The following PLG variants were observed in gnomAD, a reference collection of about 807,000 sequenced individuals.
PLG encodes the protein plasminogen, also known as plasmin.
A neutral mutation model predicts 104.4 loss-of-function variants in PLG; 41 were observed. That is an observed-to-expected ratio of 0.39 (90% CI 0.31 to 0.51). The LOEUF is 0.51. Ranked by LOEUF, PLG falls within the 20% of genes least tolerant of loss-of-function variation. The pLI, the probability that PLG is intolerant of heterozygous loss-of-function variation, is 0.76. For synonymous variants in PLG, 337 were observed against 357.1 expected (o/e 0.94, Z 0.63); for missense variants, 891 against 1,003.6 (o/e 0.89, Z 1.52).
rs1777853534 is a variant in PLG at position 160,722,581 on chromosome 6, T to A, written c.1256+14T>A. On this transcript the variant is annotated intron_variant, in intron 10 of 18. Transcript: ENST00000308192. ...CTACCCAAATGCGTATGTCTTTGATTTTTACTGTAAGAGGGGCATCAGCCA... is the reference window on the plus strand; with the variant it reads ...CTACCCAAATGCGTATGTCTTTGATATTTACTGTAAGAGGGGCATCAGCCA... 6.2e-7 allele frequency: 1 copy of A among 1,611,640 alleles called. No individual in the cohort carries two copies. Among genetic ancestry groups the A allele is most frequent in the Admixed American group, 1.7e-5 (1 of 60,000 alleles).
intron 1 of PLG, among the ~76,000 whole-genome samples, chr6:160,704,977 C>T (rs935329414): frequency 5.3e-5 from 8 of 152,152 alleles, no homozygotes; most frequent in East Asian, 1.9e-4. Flanking sequence ...CTCCCCTGAC[C>T]GCATGTTCCC....
intron 3 of PLG, among the ~76,000 whole-genome samples, chr6:160,710,155 G>A (rs536947651): frequency 6.6e-6 from 1 of 152,150 alleles, no homozygotes; most frequent in South Asian, 2.1e-4. Context: ...TCCTCCTCAA[G>A]CTTTATAGTC....
intron 10 of PLG, among the ~76,000 whole-genome samples, chr6:160,729,028 G>A (rs188435177): frequency 4.6e-5 from 7 of 152,154 alleles, no homozygotes; most frequent in Non-Finnish European, 1.0e-4. Flanking sequence ...TTTGTATCTA[G>A]AGTATAAACG....
intron 7 of PLG, among the ~76,000 whole-genome samples, chr6:160,717,212 T>C (rs1777747881): frequency 6.9e-6 from 1 of 144,750 alleles, no homozygotes; most frequent in East Asian, 2.0e-4. Context: ...GGGTGAGTGG[T>C]GGGGGTGGGG....
chr6:160,741,010 T>A lies in PLG; in HGVS notation c.2019-301T>A, dbSNP rs528895571. Among the ~76,000 whole-genome samples, 1 of 152,342 alleles carries A rather than the reference T, an allele frequency of 6.6e-6. No individual in the cohort carries two copies. The highest frequency in any genetic ancestry group is 1.9e-4 in the East Asian group (1 of 5,184). ...GGACACACTCAGCATGAGATTCCAG[T>A]TGTGCACAGAATATACATGAGAAGT... On this transcript the variant is annotated intron_variant, in intron 16 of 18. Transcript: ENST00000308192. This position sits in a 1 kb window ranked among gnomAD's most constrained non-coding sequence, Gnocchi z 4.7.
chr6:160,731,669 T>G lies in PLG; in HGVS notation c.1439-76T>G, dbSNP rs1778001420. 1.4e-6 allele frequency: 2 copies of G among 1,425,238 alleles called. No homozygotes were observed. Among genetic ancestry groups the G allele is most frequent in the Admixed American group, 1.7e-5 (1 of 59,762 alleles). The allele number at this position is 1,425,238 out of a possible 1,614,324, so 88.3% of individuals were successfully genotyped here. A position where few individuals can be genotyped will look rare whatever the true frequency, so the allele number is the denominator to read the frequency against. ...CTGATTCTGTCATCCTAGAGAAACC[T>G]GACATGACTGTATTGATTCCATATC... is the stretch of plus-strand genomic sequence containing the variant. On this transcript the variant is annotated intron_variant, in intron 11 of 18. Coordinates refer to ENST00000308192, the MANE Select transcript of PLG (RefSeq NM_000301.5). The surrounding 1 kb of genome is among the most constrained non-coding windows in gnomAD (Gnocchi z 5.1).
chr6:160,747,974 C>A (rs1582952471), intron 17 of PLG, among the ~76,000 whole-genome samples: 1 of 152,140 alleles, frequency 6.6e-6, no homozygotes, highest in Non-Finnish European at 1.5e-5. Context: ...GAATTAGAAC[C>A]CTGGCTCCCA....
chr6:160,729,839 C>T (rs2115172439), intron 10 of PLG, among the ~76,000 whole-genome samples: 1 of 152,322 alleles, frequency 6.6e-6, no homozygotes, highest in African/African-American at 2.4e-5. Context: ...ATCATCAAAA[C>T]TCACCAAACA....
chr6:160,719,723 C>T lies in PLG; in HGVS notation c.1096+885C>T, dbSNP rs1777799062. On this transcript the variant is annotated intron_variant, in intron 9 of 18. Coordinates refer to ENST00000308192, the MANE Select transcript of PLG (RefSeq NM_000301.5). The surrounding 1 kb of genome is among the most constrained non-coding windows in gnomAD (Gnocchi z 4.1). ...ACATTTTTGACTTTTCACATTCCAC[C>T]TTCAAATGATATCATTCTACTTGAC... is the stretch of plus-strand genomic sequence containing the variant. 6.6e-6 allele frequency among the ~76,000 whole-genome samples: 1 copy of T among 152,058 alleles called. No individual in the cohort carries two copies. The highest frequency in any genetic ancestry group is 1.5e-5 in the Non-Finnish European group (1 of 68,010).
chr6:160,739,363 T>C lies in PLG; in HGVS notation c.2018+155T>C, dbSNP rs191600821. Among the ~76,000 whole-genome samples, 2 of 152,192 alleles carry C rather than the reference T, an allele frequency of 1.3e-5. No homozygotes were observed. The highest frequency in any genetic ancestry group is 3.9e-4 in the East Asian group (2 of 5,168). On this transcript the variant is annotated intron_variant, in intron 16 of 18. Coordinates refer to ENST00000308192, the MANE Select transcript of PLG (RefSeq NM_000301.5). The surrounding 1 kb of genome is among the most constrained non-coding windows in gnomAD (Gnocchi z 4.4). ...TGGGGACAGCATCAATCTTCAACCC[T>C]AGCCCTGCCACATGCTAGCTGTGCT...
Position 160,731,197 on chromosome 6 carries a change from T to C in PLG, c.1403T>C (p.Val468Ala), listed in dbSNP as rs755731990. The change falls in exon 11 of 19, where the codon GTC becomes GCC. Residue 468 changes from valine to alanine, a missense_variant. Val to Ala is a moderately conservative substitution (Grantham distance 64). This residue lies in a region of PLG where 854 missense variants were observed against 932.1 expected (regional missense o/e 0.92). Transcript: ENST00000308192. The surrounding 1 kb of genome is among the most constrained non-coding windows in gnomAD (Gnocchi z 5.1). ...EASVVAPPPV[V>A]LLPDVETPSE... is the part of the protein sequence containing the mutation. Reference sequence around the variant, plus strand: ...AGTGTTGTAGCACCTCCGCCTGTTGTCCTGCTTCCAGATGTAGAGACTCCT... The same window carrying C: ...AGTGTTGTAGCACCTCCGCCTGTTGCCCTGCTTCCAGATGTAGAGACTCCT... 6.2e-7 allele frequency: 1 copy of C among 1,614,174 alleles called. No homozygotes were observed. Among genetic ancestry groups the C allele is most frequent in the South Asian group, 1.1e-5 (1 of 91,090 alleles).
chr6:160,741,255 G>C lies in PLG; in HGVS notation c.2019-56G>C, dbSNP rs1778188812. 1 of 1,193,600 alleles carries C rather than the reference G, an allele frequency of 8.4e-7. No individual in the cohort carries two copies. The highest frequency in any genetic ancestry group is 1.3e-6 in the Non-Finnish European group (1 of 797,138). 73.9% of individuals were successfully genotyped at this position (1,193,600 alleles called of 1,614,324 possible). The stretch of plus-strand genomic sequence containing the variant: ...CTCAAGACAGGGATGACTGGTTGTG[G>C]GTACTGCAGCTGCGAGCAGAGCAGT... On this transcript the variant is annotated intron_variant, in intron 16 of 18. Transcript: ENST00000308192. The surrounding 1 kb of genome is among the most constrained non-coding windows in gnomAD (Gnocchi z 4.7).
intron 3 of PLG, chr6:160,708,157 G>C (rs1777566561): frequency 8.5e-6 from 2 of 234,618 alleles, no homozygotes; most frequent in Non-Finnish European, 1.7e-5. Flanking sequence ...TTATTCTGCA[G>C]GGTGACCATG....
chr6:160,733,865 AAAAG>A, intron 12 of PLG, 126 bp from the exon 13 acceptor site: 3 of 507,714 alleles, frequency 5.9e-6, no homozygotes, highest in African/African-American at 2.1e-5. Flanking sequence ...AAAAAAAAAA[AAAAG>A]AAGGAAGGAA....
Position 160,737,031 on chromosome 6 carries a change from T to G in PLG, c.1802+24T>G. ...AGGTAAGAACAGGCCCAGAAACGAT[T>G]TATACTGTCCCTCCACGTAAGCCCT... On this transcript the variant is annotated intron_variant, in intron 14 of 18. Transcript: ENST00000308192. This position sits in a 1 kb window ranked among gnomAD's most constrained non-coding sequence, Gnocchi z 4.7. The G allele has an allele frequency of 1.2e-6, 2 of 1,611,494 alleles. No individual in the cohort carries two copies. The highest frequency in any genetic ancestry group is 1.7e-6 in the Non-Finnish European group (2 of 1,179,396).
chr6:160,746,695 G>T (rs746539659), intron 17 of PLG, among the ~76,000 whole-genome samples: 24 of 152,162 alleles, frequency 1.6e-4, no homozygotes, highest in Non-Finnish European at 2.8e-4. Context: ...TTGTTTGGAG[G>T]ACATATGGCA....
At chr6:160,717,694 G>C (rs889075644) in intron 7 of PLG, among the ~76,000 whole-genome samples, 1 of 152,142 alleles carries the variant, frequency 6.6e-6, no homozygotes, top group Non-Finnish European at 1.5e-5. Context: ...GGGGTGTGAG[G>C]TGACACGTGT....
At position 160,740,035 on chromosome 6, in the gene PLG, A is replaced by G. The variant is rs1778162031; in HGVS notation, c.2018+827A>G. Among the ~76,000 whole-genome samples, 1 of 152,180 alleles carries G rather than the reference A, an allele frequency of 6.6e-6. No individual in the cohort carries two copies. The highest frequency in any genetic ancestry group is 1.5e-5 in the Non-Finnish European group (1 of 68,024). ...AGGAGAAGCAGGTTTGGGACAGGTG[A>G]CAAGGCACGCAGGGCGCTCGCTGTG... On this transcript the variant is annotated intron_variant, in intron 16 of 18. Transcript: ENST00000308192. This position sits in a 1 kb window ranked among gnomAD's most constrained non-coding sequence, Gnocchi z 5.2.
intron 17 of PLG, among the ~76,000 whole-genome samples, chr6:160,748,429 AAC>A (rs1778330941): frequency 3.2e-5 from 3 of 94,328 alleles, no homozygotes; most frequent in Non-Finnish European, 4.4e-5. Flanking sequence ...AAAGAAAGAG[AAC>A]GAAAGAAAGA....
Sources: allele counts gnomAD v4.1 joint callset (sites outside exome capture counted in the v4.1 genomes callset), GRCh38; gene constraint gnomAD v4.1.1; regional missense constraint gnomAD v4.1.1; non-coding constraint Gnocchi (gnomAD v3.1); transcripts MANE v1.5; gene names NCBI Gene and HGNC (gene_info 2026-07-23, HGNC 2026-07-21).